TLN2: variants seen among roughly 807,000 people sequenced by gnomAD.
The protein encoded by TLN2 is talin 2, also known as talin-2.
Under a neutral mutation model 294.7 loss-of-function variants are expected in TLN2, and 118 were observed. That is an observed-to-expected ratio of 0.40 (90% CI 0.34 to 0.47). The LOEUF is 0.47. Ranked by LOEUF, TLN2 falls within the 20% of genes least tolerant of loss-of-function variation. The pLI is 0.84. For missense variants in TLN2, 3,083 were observed against 3,282.2 expected (o/e 0.94, Z 1.48); for synonymous variants, 1,431 against 1,304.5 (o/e 1.10, Z -2.09).
In TLN2 at chr15:62,750,045, C is replaced by A. The variant is rs149636814; in HGVS notation, c.4120-357C>A. 3.5e-3 allele frequency among the ~76,000 whole-genome samples: 529 copies of A among 152,246 alleles called. 3 individuals are homozygous for A. The highest frequency in any genetic ancestry group is 6.8e-3 in the Middle Eastern group (2 of 294). The stretch of plus-strand genomic sequence containing the variant: ...TGAAATTTAAACTCCTTAGAATTAT[C>A]CTGCTGAGAAGTTGTGCTAATTGAC... On this transcript the variant is annotated intron_variant, in intron 33 of 58. Transcript: ENST00000636159.
At chr15:62,392,587 G>T (rs1360527526) in intron 1 of TLN2, among the ~76,000 whole-genome samples, 1 of 152,194 alleles carries the variant, frequency 6.6e-6, no homozygotes, top group Non-Finnish European at 1.5e-5. Flanking sequence ...TCTGCTTTGT[G>T]ATGGGACAGG....
At chr15:62,776,668 G>T in intron 42 of TLN2, 96 bp from the exon 43 acceptor site, 1 of 1,169,558 alleles carries the variant, frequency 8.6e-7, no homozygotes, top group Admixed American at 4.0e-5. Context: ...TCCATTGTGG[G>T]GGTATGGTTT....
intron 51 of TLN2, among the ~76,000 whole-genome samples, chr15:62,807,775 A>T (rs2066396352): frequency 6.6e-6 from 1 of 152,166 alleles, no homozygotes; most frequent in Non-Finnish European, 1.5e-5. Context: ...TAGCAGCCAG[A>T]GCTCTAAAGC....
At chr15:62,692,745 A>C (rs944513164) in intron 12 of TLN2, 95 bp from the exon 13 acceptor site, 2 of 854,774 alleles carry the variant, frequency 2.3e-6, no homozygotes, top group African/African-American at 3.5e-5. Flanking sequence ...GGGAAAATGA[A>C]GTCTATGTCA....
chr15:62,440,823 T>A (rs2035509420), intron 1 of TLN2, among the ~76,000 whole-genome samples: 1 of 152,172 alleles, frequency 6.6e-6, no homozygotes, highest in African/African-American at 2.4e-5. Context: ...TTTCAACCAT[T>A]TTTTATATCC....
chr15:62,820,520 C>G lies in TLN2; in HGVS notation c.6912C>G (p.Val2304=). The G allele has an allele frequency of 6.2e-7, 1 of 1,613,990 alleles. No homozygotes were observed. The highest frequency in any genetic ancestry group is 1.1e-5 in the South Asian group (1 of 91,052). ...TEWVDPEDPT[V]IAETELLGAA... is the part of the protein sequence containing the mutation. ...GGGTGGATCCAGAAGACCCAACTGT[C>G]ATTGCAGAAACAGAGTTACTGGGGG... The change falls in exon 54 of 59, where the codon GTC becomes GTG. Residue 2304 remains valine, a synonymous_variant. Coordinates refer to ENST00000636159, the MANE Select transcript of TLN2 (RefSeq NM_015059.3).
intron 1 of TLN2, among the ~76,000 whole-genome samples, chr15:62,412,875 A>G (rs1338440345): frequency 1.3e-5 from 2 of 152,230 alleles, no homozygotes; most frequent in Non-Finnish European, 2.9e-5. Context: ...GAGGAACTAA[A>G]GGCCTGCTGT....
intron 11 of TLN2, among the ~76,000 whole-genome samples, chr15:62,676,186 AAGTT>A (rs2056168541): frequency 6.6e-6 from 1 of 152,200 alleles, no homozygotes; most frequent in Non-Finnish European, 1.5e-5. Context: ...GCAAAAGAAG[AAGTT>A]ACGTTGTCCT....
intron 32 of TLN2, among the ~76,000 whole-genome samples, chr15:62,744,404 A>ATTT (rs71131126): frequency 8.0e-6 from 1 of 125,054 alleles, no homozygotes; most frequent in Non-Finnish European, 1.7e-5. Flanking sequence ...GTTATTTTTA[A>ATTT]TTTTTTTTTT....
At chr15:62,791,267 ATGCTTGGACCTGGGAGGCGGAGAT>A (rs1450026688) in intron 45 of TLN2, among the ~76,000 whole-genome samples, 1 of 152,106 alleles carries the variant, frequency 6.6e-6, no homozygotes, top group African/African-American at 2.4e-5. Flanking sequence ...AGGCAGGAGA[ATGCTTGGACCTGGGAGGCGGAGAT>A]TGCAGTGAGC....
intron 2 of TLN2, among the ~76,000 whole-genome samples, chr15:62,610,143 A>G (rs1055906501): frequency 7.2e-5 from 11 of 152,214 alleles, no homozygotes; most frequent in Non-Finnish European, 1.6e-4. Context: ...TCAAGATCTG[A>G]GCACTAAGTA....
At chr15:62,674,933 T>C (rs2055984872) in intron 10 of TLN2, among the ~76,000 whole-genome samples, 1 of 152,246 alleles carries the variant, frequency 6.6e-6, no homozygotes, top group African/African-American at 2.4e-5. Context: ...TTATGGACCC[T>C]GTTCCCACCA....
At chr15:62,645,970 G>A (rs2899683) in intron 3 of TLN2, among the ~76,000 whole-genome samples, 92,830 of 151,878 alleles carry the variant, frequency 0.61, 29,375 homozygotes, top group Middle Eastern at 0.78. Context: ...GACTGGCTTG[G>A]GTTAAGTGAG....
intron 1 of TLN2, among the ~76,000 whole-genome samples, chr15:62,588,001 C>CT: frequency 6.6e-6 from 1 of 152,190 alleles, no homozygotes; most frequent in South Asian, 2.1e-4. Flanking sequence ...CTGCCTCAGC[C>CT]CCCACAGTAG....
At chr15:62,535,332 G>A (rs2041276514) in intron 1 of TLN2, among the ~76,000 whole-genome samples, 1 of 152,064 alleles carries the variant, frequency 6.6e-6, no homozygotes, top group African/African-American at 2.4e-5. Flanking sequence ...CTATGCGTCA[G>A]GATTTTTAAA....
intron 1 of TLN2, among the ~76,000 whole-genome samples, chr15:62,512,784 A>C (rs2039995952): frequency 6.6e-6 from 1 of 152,210 alleles, no homozygotes; most frequent in Admixed American, 6.5e-5. Context: ...GAACCATCCT[A>C]CACAAATCCT....
intron 16 of TLN2, among the ~76,000 whole-genome samples, chr15:62,699,782 A>G (rs1339517843): frequency 4.6e-5 from 7 of 152,250 alleles, no homozygotes; most frequent in African/African-American, 1.7e-4. Flanking sequence ...GTACGTTAGA[A>G]TCATCCTAGG....
chr15:62,776,285 T>G (rs987659901), intron 42 of TLN2, among the ~76,000 whole-genome samples: 1 of 152,216 alleles, frequency 6.6e-6, no homozygotes, highest in African/African-American at 2.4e-5. Context: ...TCAAAGCCTA[T>G]TAGGCACTCT....
chr15:62,554,706 G>T (rs561349358), intron 1 of TLN2, among the ~76,000 whole-genome samples: 1 of 152,252 alleles, frequency 6.6e-6, no homozygotes, highest in South Asian at 2.1e-4. Flanking sequence ...GAGTTAAGGG[G>T]ATAAGCCACC....
Sources: gnomAD v4.1 joint callset for allele counts (sites outside exome capture counted in the v4.1 genomes callset) on GRCh38, gnomAD v4.1.1 for gene constraint, MANE v1.5 for transcripts, NCBI Gene and HGNC (gene_info 2026-07-23, HGNC 2026-07-21) for gene names.